The following SMAD6 variants were observed in gnomAD, a reference collection of about 807,000 sequenced individuals.
The protein encoded by SMAD6 is MAD homolog 6.
Under a neutral mutation model 39.4 loss-of-function variants are expected in SMAD6, and 103 were observed. That is an observed-to-expected ratio of 2.62 (90% CI 2.23 to 3.08). The LOEUF is 3.08. Ranked by LOEUF, SMAD6 falls within the 30% of genes most tolerant of loss-of-function variation. SMAD6 has a pLI of 0.00. For synonymous variants in SMAD6, 445 were observed against 353.3 expected (o/e 1.26, Z -2.91); for missense variants, 1,104 against 742.9 (o/e 1.49, Z -5.65).
chr15:66,738,740 T>C (rs1435934487), intron 3 of SMAD6, among the ~76,000 whole-genome samples: 1 of 152,068 alleles, frequency 6.6e-6, no homozygotes, highest in Non-Finnish European at 1.5e-5. Flanking sequence ...TGGGAGTGGC[T>C]GTGTCGGGGG....
At chr15:66,767,414 T>C (rs1411742707) in intron 3 of SMAD6, among the ~76,000 whole-genome samples, 3 of 152,270 alleles carry the variant, frequency 2.0e-5, no homozygotes, top group Admixed American at 2.0e-4. Context: ...ATTAGCCTGG[T>C]GGGATGGATA....
intron 3 of SMAD6, among the ~76,000 whole-genome samples, chr15:66,744,630 A>G (rs1893876231): frequency 1.3e-5 from 2 of 152,260 alleles, no homozygotes; most frequent in Non-Finnish European, 1.5e-5. Flanking sequence ...AGTCTTGTTC[A>G]TGGCTGGCTA....
intron 1 of SMAD6, chr15:66,708,740 T>C (rs1893170332): frequency 2.1e-6 from 1 of 471,342 alleles, no homozygotes. Context: ...AGACACAAAG[T>C]AAGTTAGTGG....
At chr15:66,771,224 T>TA (rs1274357819) in intron 3 of SMAD6, among the ~76,000 whole-genome samples, 5 of 152,158 alleles carry the variant, frequency 3.3e-5, no homozygotes, top group Admixed American at 6.5e-5. Context: ...TAAGGCCTAA[T>TA]ATCTCCTGGG....
At chr15:66,776,546 A>G (rs1382055724) in intron 3 of SMAD6, among the ~76,000 whole-genome samples, 1 of 152,178 alleles carries the variant, frequency 6.6e-6, no homozygotes, top group African/African-American at 2.4e-5. Context: ...ACCATGTGGC[A>G]TGGATTAGAG....
intron 3 of SMAD6, among the ~76,000 whole-genome samples, chr15:66,764,785 G>T (rs1372982245): frequency 6.6e-6 from 1 of 152,126 alleles, no homozygotes; most frequent in Non-Finnish European, 1.5e-5. Flanking sequence ...GTCCTTCTTT[G>T]ATCTCACGGC....
intron 3 of SMAD6, among the ~76,000 whole-genome samples, chr15:66,771,727 G>C (rs2140670258): frequency 6.6e-6 from 1 of 152,352 alleles, no homozygotes; most frequent in South Asian, 2.1e-4. Flanking sequence ...TCCTGGACTT[G>C]CACAGTTCAA....
intron 3 of SMAD6, among the ~76,000 whole-genome samples, chr15:66,739,932 A>C (rs1893784401): frequency 6.6e-6 from 1 of 152,176 alleles, no homozygotes; most frequent in East Asian, 1.9e-4. Flanking sequence ...GCACCACTGC[A>C]CCTGGCTGTT....
At chr15:66,725,547 A>C (rs541701667) in intron 3 of SMAD6, among the ~76,000 whole-genome samples, 1 of 152,338 alleles carries the variant, frequency 6.6e-6, no homozygotes, top group East Asian at 1.9e-4. Flanking sequence ...GGGATCTGGA[A>C]GTCATTTTGA....
At chr15:66,707,833 G>C (rs1395347853) in intron 1 of SMAD6, 1 of 152,364 alleles carries the variant, frequency 6.6e-6, no homozygotes, top group East Asian at 1.9e-4. Context: ...AACCCGGGAG[G>C]CATGTGGATC....
intron 3 of SMAD6, among the ~76,000 whole-genome samples, chr15:66,749,554 G>T (rs936145064): frequency 6.6e-6 from 1 of 152,160 alleles, no homozygotes; most frequent in Non-Finnish European, 1.5e-5. Flanking sequence ...AAGGTTGGAG[G>T]CTGCAGTGAG....
chr15:66,706,296 G>A (rs1388157808), intron 1 of SMAD6: 1 of 152,172 alleles, frequency 6.6e-6, no homozygotes, highest in African/African-American at 2.4e-5. Context: ...CTAAGCCTTG[G>A]GACTTGATTC....
At chr15:66,743,758 G>A (rs756693479) in intron 3 of SMAD6, among the ~76,000 whole-genome samples, 2 of 152,152 alleles carry the variant, frequency 1.3e-5, no homozygotes, top group Non-Finnish European at 2.9e-5. Flanking sequence ...AATATGGGAA[G>A]TAGAAATGGT....
Position 66,779,247 on chromosome 15 carries a change from A to C in SMAD6, c.953-1750A>C. On this transcript the variant is annotated intron_variant, in intron 3 of 3. Transcript: ENST00000288840. ...TGAGCTGTCTCTGTCACTATTGCCC[A>C]CTGGCTAAGGGGCAGTTCTGTCGAG... 2.0e-5 allele frequency among the ~76,000 whole-genome samples: 3 copies of C among 152,260 alleles called. No individual in the cohort carries two copies. The South Asian group carries it at 6.2e-4, about 32-fold the overall frequency.
intron 3 of SMAD6, among the ~76,000 whole-genome samples, chr15:66,722,965 C>G (rs1893460509): frequency 1.3e-5 from 2 of 152,134 alleles, no homozygotes. Flanking sequence ...TCTCTAGTCT[C>G]AGTTTGCTCA....
intron 3 of SMAD6, among the ~76,000 whole-genome samples, chr15:66,725,432 G>T (rs1215486169): frequency 1.3e-5 from 2 of 152,202 alleles, no homozygotes; most frequent in African/African-American, 4.8e-5. Flanking sequence ...AAAAACAGAG[G>T]TCTCATGTCT....
chr15:66,754,090 G>T (rs1040789360), intron 3 of SMAD6, among the ~76,000 whole-genome samples: 15 of 152,208 alleles, frequency 9.9e-5, no homozygotes, highest in Admixed American at 7.8e-4. Context: ...TGGGTGCTAT[G>T]GCTGCCTGGT....
chr15:66,765,862 G>A (rs1042852437), intron 3 of SMAD6, among the ~76,000 whole-genome samples: 3 of 152,162 alleles, frequency 2.0e-5, no homozygotes, highest in African/African-American at 7.2e-5. Context: ...GGGATGTTGT[G>A]CGACACTTGA....
At position 66,740,245 on chromosome 15, in the gene SMAD6, A is replaced by G. The variant is rs1238884815; in HGVS notation, c.952+23747A>G. 2.0e-5 allele frequency among the ~76,000 whole-genome samples: 3 copies of G among 152,196 alleles called. No individual in the cohort carries two copies. The East Asian group carries it at 5.8e-4, about 29-fold the overall frequency. On this transcript the variant is annotated intron_variant, in intron 3 of 3. Transcript: ENST00000288840. The stretch of plus-strand genomic sequence containing the variant: ...CTGCCCAGTCCTGTGGACATCCAGC[A>G]TTATCCATTCCCCTCTTTGAGCTTC...
Sources: gnomAD v4.1 joint callset for allele counts (sites outside exome capture counted in the v4.1 genomes callset) on GRCh38, gnomAD v4.1.1 for gene constraint, MANE v1.5 for transcripts, NCBI Gene and HGNC (gene_info 2026-07-23, HGNC 2026-07-21) for gene names.